The following LPP variants were observed in gnomAD, a reference collection of about 807,000 sequenced individuals.
The protein encoded by LPP is lipoma-preferred partner.
Under a neutral mutation model 60.4 loss-of-function variants are expected in LPP, and 38 were observed. The observed-to-expected ratio is 0.63, with a 90% CI of 0.49 to 0.83. The LOEUF (loss-of-function observed/expected upper bound fraction) is 0.83. Among genes scored for constraint, LPP ranks in the 40% least tolerant of loss-of-function variants. The probability of loss-of-function intolerance (pLI) is 0.00; values close to 1 mark genes in which losing one functional copy is unlikely to be tolerated. For synonymous variants in LPP, 328 were observed against 290.8 expected, an observed-to-expected ratio of 1.13 and a Z score of -1.30; for missense variants, 902 against 783.6, an observed-to-expected ratio of 1.15 and a Z score of -1.80.
intron 5 of LPP, among the ~76,000 whole-genome samples, chr3:188,522,372 C>G (rs966784397): frequency 6.6e-6 from 1 of 152,150 alleles, no homozygotes; most frequent in Non-Finnish European, 1.5e-5. Context: ...GACACTGAAC[C>G]TCTTTGGTTC....
intron 10 of LPP, among the ~76,000 whole-genome samples, chr3:188,869,556 G>T (rs1054116446): frequency 2.6e-5 from 4 of 152,218 alleles, no homozygotes; most frequent in Admixed American, 1.3e-4. Context: ...CTCCCAAAGT[G>T]CTGGGATTAC....
chr3:188,593,870 C>A (rs1027778653), intron 6 of LPP, among the ~76,000 whole-genome samples: 1 of 152,144 alleles, frequency 6.6e-6, no homozygotes, highest in South Asian at 2.1e-4. Context: ...GTTGGTTCCA[C>A]GATTTGCTAC....
At chr3:188,800,351 T>G (rs1287101284) in intron 9 of LPP, among the ~76,000 whole-genome samples, 1 of 148,296 alleles carries the variant, frequency 6.7e-6, no homozygotes, top group Non-Finnish European at 1.5e-5. Context: ...GTTCACGCCA[T>G]TCTCCTGCCT....
intron 8 of LPP, among the ~76,000 whole-genome samples, chr3:188,733,522 A>G (rs1287706412): frequency 6.6e-6 from 1 of 152,186 alleles, no homozygotes; most frequent in African/African-American, 2.4e-5. Flanking sequence ...GAATTGTTTC[A>G]TGCACTTCAA....
rs147645228 is a variant in LPP at position 188,889,602 on chromosome 3, T to C, written c.*15123T>C. 22 of 227,390 alleles carry C rather than the reference T, an allele frequency of 9.7e-5. No homozygotes were observed. Among genetic ancestry groups the C allele is most frequent in the Non-Finnish European group, 1.8e-4 (21 of 114,318 alleles). The allele number at this position is 227,390 out of a possible 1,614,324, so 14.1% of individuals were successfully genotyped here. On this transcript the variant is annotated 3_prime_UTR_variant, in exon 12 of 12. Coordinates refer to ENST00000617246, the MANE Select transcript of LPP (RefSeq NM_001375462.1). Reference sequence around the variant, plus strand: ...AAAGTTGTCTCCTACCTAACCCAGTTTTACCAAATGGAAGTAAAAGGGGAC... The same window carrying C: ...AAAGTTGTCTCCTACCTAACCCAGTCTTACCAAATGGAAGTAAAAGGGGAC...
At chr3:188,203,432 A>T (rs188884216) in intron 1 of LPP, among the ~76,000 whole-genome samples, 4 of 94,504 alleles carry the variant, frequency 4.2e-5, no homozygotes, top group African/African-American at 1.8e-4. Flanking sequence ...TATAAATATA[A>T]ATATATATTT....
intron 6 of LPP, among the ~76,000 whole-genome samples, chr3:188,581,624 C>T (rs1836148985): frequency 6.6e-6 from 1 of 152,054 alleles, no homozygotes; most frequent in Admixed American, 6.6e-5. Context: ...TGTTGGGAGG[C>T]TCAGGGCCCA....
At chr3:188,533,231 A>G (rs1006833409) in intron 6 of LPP, among the ~76,000 whole-genome samples, 2 of 152,176 alleles carry the variant, frequency 1.3e-5, no homozygotes, top group African/African-American at 4.8e-5. Context: ...TGCAAACGCC[A>G]TGAGGAGCTG....
At chr3:188,158,186 A>G (rs1413922931) in intron 1 of LPP, among the ~76,000 whole-genome samples, 1 of 152,050 alleles carries the variant, frequency 6.6e-6, no homozygotes, top group Non-Finnish European at 1.5e-5. Context: ...CTGGGCCGCG[A>G]TTAGAGGATC....
chr3:188,684,599 G>C (rs193195981), intron 7 of LPP, among the ~76,000 whole-genome samples: 1 of 152,066 alleles, frequency 6.6e-6, no homozygotes, highest in East Asian at 1.9e-4. Context: ...GTTAGTGTTA[G>C]AAATGGAGCC....
At position 188,158,256 on chromosome 3, in the gene LPP, G is replaced by A. The variant is rs115824615; in HGVS notation, c.-190+4004G>A. ...TCCTGGAATCTGGCTTTGGAGGGCT[G>A]TGCTTTGCTAGAAGAAACTTAGTAG... On this transcript the variant is annotated intron_variant, in intron 1 of 11. Transcript: ENST00000617246. 7.0e-3 allele frequency among the ~76,000 whole-genome samples: 1,059 copies of A among 152,270 alleles called. 15 individuals carry two copies. Among genetic ancestry groups the A allele is most frequent in the African/African-American group, 0.025 (1,023 of 41,544 alleles).
intron 7 of LPP, among the ~76,000 whole-genome samples, chr3:188,675,110 C>T (rs1216119938): frequency 6.6e-6 from 1 of 152,058 alleles, no homozygotes; most frequent in African/African-American, 2.4e-5. Flanking sequence ...GAGTATAATA[C>T]AAAAGAAGAG....
chr3:188,843,454 A>G (rs966425321), intron 9 of LPP, among the ~76,000 whole-genome samples: 2 of 152,332 alleles, frequency 1.3e-5, no homozygotes, highest in Non-Finnish European at 1.5e-5. Flanking sequence ...TGGACTGAAC[A>G]GTCCCTTTTT....
At chr3:188,371,616 AATAT>A (rs57935178) in intron 3 of LPP, among the ~76,000 whole-genome samples, 29 of 24,370 alleles carry the variant, frequency 1.2e-3, no homozygotes, top group African/African-American at 2.5e-3. Flanking sequence ...GTGGTGGGAA[AATAT>A]ATATATATAT....
At chr3:188,258,986 G>A (rs1007478224) in intron 2 of LPP, among the ~76,000 whole-genome samples, 1 of 152,152 alleles carries the variant, frequency 6.6e-6, no homozygotes, top group African/African-American at 2.4e-5. Flanking sequence ...ATTATTGGGA[G>A]CAACCAAAAG....
chr3:188,763,956 A>C (rs1468775474), intron 9 of LPP, among the ~76,000 whole-genome samples: 1 of 152,144 alleles, frequency 6.6e-6, no homozygotes, highest in Admixed American at 6.6e-5. Flanking sequence ...ACAATAATGA[A>C]ACTATATGTT....
At chr3:188,376,020 T>G (rs927222184) in intron 3 of LPP, among the ~76,000 whole-genome samples, 1 of 152,230 alleles carries the variant, frequency 6.6e-6, no homozygotes, top group African/African-American at 2.4e-5. Context: ...CTGTTTTGAG[T>G]GAGTTTCTTA....
At chr3:188,834,240 G>T (rs535396459) in intron 9 of LPP, among the ~76,000 whole-genome samples, 15 of 150,458 alleles carry the variant, frequency 1.0e-4, no homozygotes, top group Non-Finnish European at 1.9e-4. Flanking sequence ...ATATAGAAAT[G>T]TGCTATTGGT....
intron 8 of LPP, among the ~76,000 whole-genome samples, chr3:188,738,746 T>G (rs182476844): frequency 6.6e-6 from 1 of 152,170 alleles, no homozygotes; most frequent in Non-Finnish European, 1.5e-5. Flanking sequence ...TTGATTTTTG[T>G]TGTGAAAGTT....
Sources: allele counts gnomAD v4.1 joint callset (sites outside exome capture counted in the v4.1 genomes callset), GRCh38; gene constraint gnomAD v4.1.1; transcripts MANE v1.5; gene names NCBI Gene and HGNC (gene_info 2026-07-23, HGNC 2026-07-21).